The following NAALAD2 variants were observed in gnomAD, a reference collection of about 807,000 sequenced individuals.
NAALAD2 encodes the protein N-acetylated alpha-linked acidic dipeptidase 2.
In NAALAD2, 89 loss-of-function variants were observed where a neutral mutation model predicts 95.6. The ratio of observed to expected loss-of-function variants is 0.93; its 90% CI spans 0.78 to 1.11. The LOEUF (loss-of-function observed/expected upper bound fraction) is 1.11. NAALAD2 is among the 50% of genes least tolerant of loss of function. The pLI is 0.00. For synonymous variants in NAALAD2, 264 were observed against 294.4 expected (o/e 0.90, Z 1.06); for missense variants, 894 against 872.4 (o/e 1.02, Z -0.31).
chr11:90,175,446 T>A (rs1174844830), intron 14 of NAALAD2, among the ~76,000 whole-genome samples: 1 of 152,222 alleles, frequency 6.6e-6, no homozygotes, highest in Non-Finnish European at 1.5e-5. Context: ...TATGCATATA[T>A]ATGTGATAGA....
intron 16 of NAALAD2, among the ~76,000 whole-genome samples, chr11:90,179,580 T>C (rs933015682): frequency 9.9e-5 from 15 of 152,072 alleles, no homozygotes; most frequent in African/African-American, 3.6e-4. Flanking sequence ...ATCAATACAA[T>C]TGGAGTATCT....
At chr11:90,177,612 TTTTTTTTTTTTTG>T (rs1952838328) in intron 15 of NAALAD2, among the ~76,000 whole-genome samples, 2 of 91,236 alleles carry the variant, frequency 2.2e-5, no homozygotes, top group Admixed American at 1.3e-4. Context: ...TTTTTTTTTT[TTTTTTTTTTTTTG>T]TATTTTTAGT....
At chr11:90,140,946 T>C (rs927932820) in intron 2 of NAALAD2, among the ~76,000 whole-genome samples, 1 of 152,308 alleles carries the variant, frequency 6.6e-6, no homozygotes, top group East Asian at 1.9e-4. Flanking sequence ...AACTGCTCTA[T>C]CACCATTTGT....
intron 2 of NAALAD2, among the ~76,000 whole-genome samples, chr11:90,141,072 C>T (rs1162498078): frequency 6.6e-6 from 1 of 152,050 alleles, no homozygotes; most frequent in Non-Finnish European, 1.5e-5. Context: ...GAGTCTTATT[C>T]TGTTTCTGGG....
At chr11:90,187,838 C>A (rs1857202671) in intron 18 of NAALAD2, among the ~76,000 whole-genome samples, 1 of 152,084 alleles carries the variant, frequency 6.6e-6, no homozygotes. Flanking sequence ...GAAAATTAGA[C>A]TAATCTGATG....
chr11:90,190,287 G>A (rs1004244668), intron 18 of NAALAD2, among the ~76,000 whole-genome samples: 2 of 152,140 alleles, frequency 1.3e-5, no homozygotes, highest in Admixed American at 6.5e-5. Flanking sequence ...AAGGCCACAA[G>A]GCTGATAGTT....
intron 6 of NAALAD2, among the ~76,000 whole-genome samples, chr11:90,157,535 A>G (rs2134897090): frequency 6.6e-6 from 1 of 152,316 alleles, no homozygotes; most frequent in African/African-American, 2.4e-5. Context: ...CATCTGGTTA[A>G]TAACATTTCT....
intron 2 of NAALAD2, among the ~76,000 whole-genome samples, chr11:90,147,089 T>C (rs1269955021): frequency 6.6e-6 from 1 of 152,182 alleles, no homozygotes; most frequent in East Asian, 1.9e-4. Flanking sequence ...CCTTTGCTGA[T>C]TGTATCTACC....
In NAALAD2 at chr11:90,182,998, CT is replaced by C; in HGVS notation, c.2024del (p.Leu675ArgfsTer44). The C allele has an allele frequency of 1.2e-6, 2 of 1,612,244 alleles. No homozygotes were observed. Among genetic ancestry groups the C allele is most frequent in the Non-Finnish European group, 1.7e-6 (2 of 1,178,522 alleles). ...FIDPLGLPGK[L>X]FYRHIIFAPS... ...CGATCCTCTTGGTTTACCAGGAAAG[CT>C]GTTCTATAGGTAAGGAAACAACAGG... On this transcript the variant is annotated frameshift_variant, in exon 18 of 19. Transcript: ENST00000534061. LOFTEE classifies it high-confidence loss of function.
chr11:90,131,891 T>C (rs1277238961), upstream of NAALAD2: 1 of 152,216 alleles, frequency 6.6e-6, no homozygotes, highest in Non-Finnish European at 1.5e-5. Context: ...ATTGAGAGAC[T>C]GGTTTTCAAT....
In NAALAD2 at chr11:90,158,381, T is replaced by A. The variant is rs148759767; in HGVS notation, c.890+143T>A. 6 of 580,380 alleles carry A rather than the reference T, an allele frequency of 1.0e-5. No homozygotes were observed. The Admixed American group carries it at 1.1e-4, about 10-fold the overall frequency. The allele number at this position is 580,380 out of a possible 1,614,324, so 36.0% of individuals were successfully genotyped here. ...CTGAAATAGGAATAACAGAGTATAC[T>A]ATCTTTTTATTTCATAAAAGTAGTC... is the stretch of plus-strand genomic sequence containing the variant. On this transcript the variant is annotated intron_variant, in intron 7 of 18. Coordinates refer to ENST00000534061, the MANE Select transcript of NAALAD2 (RefSeq NM_005467.4).
chr11:90,150,580 A>T lies in NAALAD2; in HGVS notation c.582A>T (p.Arg194Ser). Reference sequence around the variant, plus strand: ...GTACTGGGAAGATTGTTATTGCAAGATATGGAAAAATCTTCAGAGGAAATA... The same window carrying T: ...GTACTGGGAAGATTGTTATTGCAAGTTATGGAAAAATCTTCAGAGGAAATA... ...INCTGKIVIARYGKIFRGNKV... is the reference protein window; with the variant it reads ...INCTGKIVIASYGKIFRGNKV... The change falls in exon 5 of 19, where the codon AGA becomes AGT. Residue 194 changes from arginine to serine, a missense_variant. Transcript: ENST00000534061. 6.3e-7 allele frequency: 1 copy of T among 1,599,166 alleles called. No homozygotes were observed. The highest frequency in any genetic ancestry group is 8.6e-7 in the Non-Finnish European group (1 of 1,167,852).
chr11:90,168,903 A>ACT, intron 11 of NAALAD2, 26 bp from the exon 12 acceptor site: 1 of 1,566,112 alleles, frequency 6.4e-7, no homozygotes, highest in Non-Finnish European at 8.7e-7. Context: ...AATGTGAATT[A>ACT]AGTAACAACT....
chr11:90,177,250 T>A (rs1231337111), intron 15 of NAALAD2, among the ~76,000 whole-genome samples: 1 of 152,120 alleles, frequency 6.6e-6, no homozygotes, highest in African/African-American at 2.4e-5. Flanking sequence ...ATACACTGTT[T>A]GAGAAGGAAG....
chr11:90,166,942 G>A (rs138460945), intron 11 of NAALAD2, among the ~76,000 whole-genome samples: 6,595 of 152,248 alleles, frequency 0.043, 181 homozygotes, highest in Middle Eastern at 0.11. Flanking sequence ...CTGAGGTCAG[G>A]AGTTCGAGAA....
At chr11:90,181,898 TTAGAA>T (rs1181174762) in intron 17 of NAALAD2, among the ~76,000 whole-genome samples, 197 bp downstream of exon 17, 1 of 152,026 alleles carries the variant, frequency 6.6e-6, no homozygotes, top group Non-Finnish European at 1.5e-5. Context: ...ACATGCTGAA[TTAGAA>T]TTTTGCATTT....
At chr11:90,139,888 G>C in intron 2 of NAALAD2, among the ~76,000 whole-genome samples, 1 of 147,400 alleles carries the variant, frequency 6.8e-6, no homozygotes, top group African/African-American at 2.5e-5. Flanking sequence ...TAGTCCTTAT[G>C]CTGGATTTAT....
At position 90,177,963 on chromosome 11, in the gene NAALAD2, A is replaced by G. The variant is rs758984106; in HGVS notation, c.1704A>G (p.Gln568=). ...PTFKKQLSVA[Q]LRGALVYELV... is the part of the protein sequence containing the mutation. ...TTAAAAAACAACTTTCTGTGGCTCAATTACGAGGAGCACTGGTATATGAGC... is the reference window on the plus strand; with the variant it reads ...TTAAAAAACAACTTTCTGTGGCTCAGTTACGAGGAGCACTGGTATATGAGC... Residue 568 remains glutamine (Q), a synonymous_variant, in exon 16 of 19, where the codon CAA becomes CAG. Coordinates refer to ENST00000534061, the MANE Select transcript of NAALAD2 (RefSeq NM_005467.4). 31 of 1,613,792 alleles carry G rather than the reference A, an allele frequency of 1.9e-5. No individual in the cohort carries two copies. The highest frequency in any genetic ancestry group is 7.7e-5 in the South Asian group (7 of 91,078).
intron 5 of NAALAD2, among the ~76,000 whole-genome samples, chr11:90,151,095 C>T (rs754460271): frequency 6.6e-6 from 1 of 152,000 alleles, no homozygotes; most frequent in Non-Finnish European, 1.5e-5. Flanking sequence ...TTATGTAATA[C>T]ATTGGTTAAG....
Sources: allele counts gnomAD v4.1 joint callset (sites outside exome capture counted in the v4.1 genomes callset), GRCh38; gene constraint gnomAD v4.1.1; transcripts MANE v1.5; gene names NCBI Gene and HGNC (gene_info 2026-07-23, HGNC 2026-07-21).